Variants in RALYL observed in about 807,000 individuals in gnomAD.
RALYL encodes the protein RNA-binding Raly-like protein.
In RALYL, 29 loss-of-function variants were observed where a neutral mutation model predicts 35.1. The ratio of observed to expected loss-of-function variants is 0.83; its 90% CI spans 0.61 to 1.13. The LOEUF (loss-of-function observed/expected upper bound fraction) is 1.13. Among genes scored for constraint, RALYL ranks in the 50% most tolerant of loss-of-function variants. The pLI, the probability that RALYL is intolerant of heterozygous loss-of-function variation, is 0.00. For synonymous variants in RALYL, 120 were observed against 127.6 expected, an observed-to-expected ratio of 0.94 and a Z score of 0.40; for missense variants, 359 against 360.4, an observed-to-expected ratio of 1.00 and a Z score of 0.03.
At chr8:84,583,281 A>G (rs1811256345) in intron 2 of RALYL, among the ~76,000 whole-genome samples, 1 of 152,166 alleles carries the variant, frequency 6.6e-6, no homozygotes, top group Non-Finnish European at 1.5e-5. Flanking sequence ...TCCAAAACTA[A>G]TTGTTGAATT....
At chr8:84,539,687 A>G (rs2059858070) in intron 2 of RALYL, among the ~76,000 whole-genome samples, 1 of 151,774 alleles carries the variant, frequency 6.6e-6, no homozygotes, top group East Asian at 1.9e-4. Flanking sequence ...CTGGAATTGA[A>G]TTTTTTGGTA....
intron 2 of RALYL, among the ~76,000 whole-genome samples, chr8:84,727,492 T>C (rs1845195005): frequency 6.6e-6 from 1 of 152,212 alleles, no homozygotes; most frequent in Non-Finnish European, 1.5e-5. Flanking sequence ...ATTATTATAT[T>C]TCAAGTTTTA....
intron 2 of RALYL, among the ~76,000 whole-genome samples, chr8:84,642,548 C>T (rs957372251): frequency 6.6e-6 from 1 of 151,984 alleles, no homozygotes; most frequent in Non-Finnish European, 1.5e-5. Context: ...ACTTAACTCT[C>T]TAGTTACAGA....
At chr8:84,402,528 A>G (rs949628195) in intron 1 of RALYL, among the ~76,000 whole-genome samples, 2 of 152,134 alleles carry the variant, frequency 1.3e-5, no homozygotes, top group Non-Finnish European at 2.9e-5. Flanking sequence ...CTGAAACAAG[A>G]CTGGGTATCA....
At chr8:84,387,003 T>C (rs1859366426) in intron 1 of RALYL, among the ~76,000 whole-genome samples, 1 of 151,860 alleles carries the variant, frequency 6.6e-6, no homozygotes, top group South Asian at 2.1e-4. Context: ...AATTATTGGT[T>C]CCCTTAGATA....
intron 1 of RALYL, among the ~76,000 whole-genome samples, chr8:84,426,247 G>A (rs1293132989): frequency 6.6e-6 from 1 of 152,092 alleles, no homozygotes; most frequent in Non-Finnish European, 1.5e-5. Context: ...GGCAAGAGCA[G>A]CTAAAATCTA....
intron 1 of RALYL, among the ~76,000 whole-genome samples, chr8:84,219,009 T>G (rs1307017068): frequency 3.3e-5 from 5 of 152,010 alleles, no homozygotes; most frequent in Non-Finnish European, 4.4e-5. Context: ...CTAAAAGCTA[T>G]AAAATTTAGT....
chr8:84,719,868 CCTGT>C (rs1387850373), intron 2 of RALYL, among the ~76,000 whole-genome samples: 1 of 152,116 alleles, frequency 6.6e-6, no homozygotes, highest in Non-Finnish European at 1.5e-5. Context: ...ACTTACTCCT[CCTGT>C]CTAACTGTGA....
chr8:84,363,355 G>T (rs1487656072), intron 1 of RALYL, among the ~76,000 whole-genome samples: 1 of 152,166 alleles, frequency 6.6e-6, no homozygotes. Flanking sequence ...GGGAAAAGGG[G>T]AGTTTGGATT....
chr8:84,856,177 A>G (rs573884813), intron 5 of RALYL, among the ~76,000 whole-genome samples: 2 of 152,356 alleles, frequency 1.3e-5, no homozygotes, highest in African/African-American at 4.8e-5. Flanking sequence ...GAAGACATGA[A>G]TTTCAGGACT....
intron 2 of RALYL, among the ~76,000 whole-genome samples, chr8:84,651,196 A>C (rs1434124901): frequency 6.6e-6 from 1 of 152,016 alleles, no homozygotes; most frequent in Non-Finnish European, 1.5e-5. Flanking sequence ...CATTGTGCAC[A>C]TGTACCCTAA....
intron 2 of RALYL, among the ~76,000 whole-genome samples, chr8:84,557,843 AAAG>A (rs1427427298): frequency 6.6e-6 from 1 of 152,178 alleles, no homozygotes; most frequent in African/African-American, 2.4e-5. Context: ...ACACTGCCCA[AAAG>A]AAGATTTTGC....
chr8:84,335,624 A>G (rs1363804803), intron 1 of RALYL, among the ~76,000 whole-genome samples: 2 of 151,834 alleles, frequency 1.3e-5, no homozygotes, highest in Non-Finnish European at 2.9e-5. Context: ...CCACTCCCGC[A>G]AGAAGATCAG....
At chr8:84,290,997 C>T (rs1351377577) in intron 1 of RALYL, among the ~76,000 whole-genome samples, 1 of 151,796 alleles carries the variant, frequency 6.6e-6, no homozygotes, top group East Asian at 1.9e-4. Context: ...TTACTTTTAT[C>T]TCTTTTCAAG....
At chr8:84,720,118 A>T (rs1564429082) in intron 2 of RALYL, among the ~76,000 whole-genome samples, 1 of 152,150 alleles carries the variant, frequency 6.6e-6, no homozygotes, top group Admixed American at 6.6e-5. Flanking sequence ...GCTAAATAAT[A>T]TTCCAGTGAC....
intron 7 of RALYL, among the ~76,000 whole-genome samples, chr8:84,877,798 T>A (rs1841453224): frequency 6.6e-6 from 1 of 152,200 alleles, no homozygotes; most frequent in Non-Finnish European, 1.5e-5. Flanking sequence ...GAATGGAAAG[T>A]GTTGCTCCAG....
intron 4 of RALYL, among the ~76,000 whole-genome samples, chr8:84,822,940 C>T (rs1828835714): frequency 6.6e-6 from 1 of 151,986 alleles, no homozygotes; most frequent in South Asian, 2.1e-4. Flanking sequence ...GTGCAAAATT[C>T]CATTTACGTT....
chr8:84,268,220 ACAGT>A (rs1205032208), intron 1 of RALYL, among the ~76,000 whole-genome samples: 1 of 152,180 alleles, frequency 6.6e-6, no homozygotes, highest in Non-Finnish European at 1.5e-5. Context: ...ACTCAACGAG[ACAGT>A]CAGACACAGT....
intron 2 of RALYL, among the ~76,000 whole-genome samples, chr8:84,720,737 A>G (rs1300313554): frequency 7.9e-5 from 12 of 152,138 alleles, no homozygotes; most frequent in African/African-American, 2.9e-4. Context: ...TGCAAACTAT[A>G]CATTTAATAA....
Sources: gnomAD v4.1 joint callset for allele counts (sites outside exome capture counted in the v4.1 genomes callset) on GRCh38, gnomAD v4.1.1 for gene constraint, MANE v1.5 for transcripts, NCBI Gene and HGNC (gene_info 2026-07-23, HGNC 2026-07-21) for gene names.